The following CHCHD3 variants were observed in gnomAD, a reference collection of about 807,000 sequenced individuals.
The protein encoded by CHCHD3 is MICOS complex subunit MIC19.
Under a neutral mutation model 38.2 loss-of-function variants are expected in CHCHD3, and 20 were observed. That is an observed-to-expected ratio of 0.52 (90% confidence interval 0.37 to 0.76). The LOEUF (loss-of-function observed/expected upper bound fraction) is 0.76, where lower values mean the gene tolerates loss of function less well. CHCHD3 is among the 30% of genes least tolerant of loss of function. CHCHD3 has a pLI of 0.00. For synonymous variants in CHCHD3, 82 were observed against 100.0 expected (o/e 0.82, Z 1.07); for missense variants, 245 against 279.2 (o/e 0.88, Z 0.87).
At chr7:132,802,208 GA>G (rs1179204917) in intron 6 of CHCHD3, among the ~76,000 whole-genome samples, 4 of 152,000 alleles carry the variant, frequency 2.6e-5, no homozygotes, top group Non-Finnish European at 4.4e-5. Context: ...GGGCAGGGTG[GA>G]AAAACCTAGG....
At chr7:133,045,155 G>A (rs141323412) in intron 2 of CHCHD3, among the ~76,000 whole-genome samples, 1 of 152,306 alleles carries the variant, frequency 6.6e-6, no homozygotes, top group East Asian at 1.9e-4. Context: ...GAAATAAAAT[G>A]CATTTAAGTG....
intron 1 of CHCHD3, among the ~76,000 whole-genome samples, chr7:133,081,411 C>T (rs774849256): frequency 6.6e-6 from 1 of 151,996 alleles, no homozygotes; most frequent in Non-Finnish European, 1.5e-5. Flanking sequence ...AGAGGGAGAG[C>T]ACTAAATGAC....
At chr7:132,833,682 A>G (rs910112233) in intron 6 of CHCHD3, among the ~76,000 whole-genome samples, 1 of 152,208 alleles carries the variant, frequency 6.6e-6, no homozygotes, top group Non-Finnish European at 1.5e-5. Context: ...GAAACAATCC[A>G]TTAATTCTCA....
intron 2 of CHCHD3, among the ~76,000 whole-genome samples, chr7:133,040,602 G>T (rs1813807396): frequency 6.6e-6 from 1 of 152,080 alleles, no homozygotes; most frequent in African/African-American, 2.4e-5. Flanking sequence ...AAGTTTACTT[G>T]TCCTGTCATT....
chr7:133,014,126 G>A (rs866399811), intron 3 of CHCHD3, among the ~76,000 whole-genome samples: 4 of 151,990 alleles, frequency 2.6e-5, no homozygotes, highest in Admixed American at 1.3e-4. Context: ...TGTAATTTAC[G>A]GATTTTTATG....
chr7:132,972,525 T>C (rs1811639154), intron 4 of CHCHD3: 3 of 901,934 alleles, frequency 3.3e-6, no homozygotes, highest in East Asian at 1.2e-4. Context: ...CTAATCTTGA[T>C]CCAATGAATA....
rs1807544868 is a variant in CHCHD3 at position 132,827,834 on chromosome 7, C to A, written c.524+10565G>T. ...CCATGATGTTTGAGATCCATCCGTG[C>A]TGTTACATGTATCGATAGTTTGCTC... On this transcript the variant is annotated intron_variant, in intron 6 of 7. Transcript: ENST00000262570. Among the ~76,000 whole-genome samples the A allele has an allele frequency of 2.6e-5, 4 of 152,294 alleles. No homozygotes were observed. In the South Asian group the frequency reaches 8.3e-4, roughly 32 times the overall value.
intron 4 of CHCHD3, among the ~76,000 whole-genome samples, chr7:132,912,892 T>C (rs960585634): frequency 1.3e-5 from 2 of 152,200 alleles, no homozygotes; most frequent in African/African-American, 4.8e-5. Flanking sequence ...CACATAAAGA[T>C]GTTATGAGGT....
intron 3 of CHCHD3, among the ~76,000 whole-genome samples, chr7:133,020,464 G>A (rs1458802347): frequency 6.6e-6 from 1 of 152,166 alleles, no homozygotes; most frequent in African/African-American, 2.4e-5. Context: ...AGTCACAGAT[G>A]CCTAAAAAGG....
chr7:132,816,782 T>C (rs1807210773), intron 6 of CHCHD3, among the ~76,000 whole-genome samples: 1 of 152,222 alleles, frequency 6.6e-6, no homozygotes, highest in Non-Finnish European at 1.5e-5. Context: ...CAGGGCCATA[T>C]TCTGCTACCA....
intron 4 of CHCHD3, among the ~76,000 whole-genome samples, chr7:132,950,582 AG>A (rs1324341516): frequency 6.6e-6 from 1 of 152,222 alleles, no homozygotes; most frequent in African/African-American, 2.4e-5. Context: ...CACACACACC[AG>A]GAGGAAGACT....
intron 3 of CHCHD3, among the ~76,000 whole-genome samples, chr7:133,002,757 C>T: frequency 6.6e-6 from 1 of 152,090 alleles, no homozygotes; most frequent in East Asian, 1.9e-4. Flanking sequence ...CTATAGAACC[C>T]TTACTAAAAT....
At chr7:132,863,220 A>T (rs982332180) in intron 5 of CHCHD3, among the ~76,000 whole-genome samples, 5 of 152,220 alleles carry the variant, frequency 3.3e-5, no homozygotes, top group Admixed American at 6.5e-5. Flanking sequence ...TTGAGGGTCA[A>T]AATTACTCCT....
intron 6 of CHCHD3, among the ~76,000 whole-genome samples, chr7:132,827,368 C>T (rs1447151729): frequency 2.0e-4 from 30 of 152,186 alleles, no homozygotes; most frequent in Admixed American, 2.0e-3. Context: ...ATTTATGTTT[C>T]ATATATACTA....
intron 4 of CHCHD3, among the ~76,000 whole-genome samples, chr7:132,952,707 A>G (rs1338354461): frequency 6.6e-6 from 1 of 152,240 alleles, no homozygotes; most frequent in Admixed American, 6.5e-5. Flanking sequence ...TAGGCTCAAA[A>G]GTTTGTACTA....
At chr7:132,930,206 AC>A (rs1810483134) in intron 4 of CHCHD3, among the ~76,000 whole-genome samples, 1 of 122,558 alleles carries the variant, frequency 8.2e-6, no homozygotes. Flanking sequence ...TCGTTCTGTT[AC>A]CCAGGCTGGA....
intron 2 of CHCHD3, among the ~76,000 whole-genome samples, chr7:133,041,522 C>A (rs1209912663): frequency 6.6e-6 from 1 of 152,168 alleles, no homozygotes; most frequent in East Asian, 1.9e-4. Context: ...TCTCAGCTAT[C>A]CCAATGTTTG....
At chr7:133,033,846 A>AT (rs567334199) in intron 2 of CHCHD3, among the ~76,000 whole-genome samples, 123 of 150,990 alleles carry the variant, frequency 8.1e-4, no homozygotes, top group African/African-American at 2.7e-3. Context: ...CACATTGTCT[A>AT]TTTTTTTTTC....
At chr7:133,032,208 C>A (rs1328206925) in intron 2 of CHCHD3, among the ~76,000 whole-genome samples, 1 of 152,160 alleles carries the variant, frequency 6.6e-6, no homozygotes, top group Non-Finnish European at 1.5e-5. Context: ...AAACCAGGCA[C>A]ACAGAGAATA....
Sources: allele counts gnomAD v4.1 joint callset (sites outside exome capture counted in the v4.1 genomes callset), GRCh38; gene constraint gnomAD v4.1.1; transcripts MANE v1.5; gene names NCBI Gene and HGNC (gene_info 2026-07-23, HGNC 2026-07-21).